Variants in PCCA observed in about 807,000 individuals in gnomAD.
The protein encoded by PCCA is propionyl-CoA carboxylase alpha chain, mitochondrial.
A neutral mutation model predicts 101.3 loss-of-function variants in PCCA; 74 were observed. The ratio of observed to expected loss-of-function variants is 0.73; its 90% CI spans 0.61 to 0.89. The LOEUF (loss-of-function observed/expected upper bound fraction) is 0.89. Ranked by LOEUF, PCCA falls within the 40% of genes least tolerant of loss-of-function variation. PCCA has a pLI of 0.00. For synonymous variants in PCCA, 294 were observed against 313.6 expected (o/e 0.94, Z 0.66); for missense variants, 891 against 907.0 (o/e 0.98, Z 0.23).
At chr13:100,194,983 A>G (rs1411754501) in intron 6 of PCCA, among the ~76,000 whole-genome samples, 1 of 152,212 alleles carries the variant, frequency 6.6e-6, no homozygotes, top group Admixed American at 6.5e-5. Flanking sequence ...TCCAAAGTTT[A>G]ACTGGAAAAA....
At chr13:100,124,287 A>G (rs2049727647) in intron 4 of PCCA, among the ~76,000 whole-genome samples, 1 of 152,202 alleles carries the variant, frequency 6.6e-6, no homozygotes, top group Non-Finnish European at 1.5e-5. Flanking sequence ...ACGTTCCTAA[A>G]TTGAACCTAT....
chr13:100,401,871 A>G (rs1422342647), intron 19 of PCCA, among the ~76,000 whole-genome samples: 1 of 152,218 alleles, frequency 6.6e-6, no homozygotes, highest in Admixed American at 6.5e-5. Flanking sequence ...ACTTGAATAG[A>G]TAATTTTTTT....
intron 12 of PCCA, among the ~76,000 whole-genome samples, chr13:100,288,972 G>A (rs1211542054): frequency 2.0e-5 from 3 of 152,144 alleles, no homozygotes; most frequent in East Asian, 3.8e-4. Flanking sequence ...GTTGTTTCAC[G>A]TATGCCTTCT....
In PCCA at chr13:100,317,801, T is replaced by G. The variant is rs970110604; in HGVS notation, c.1429+7893T>G. Among the ~76,000 whole-genome samples, 7 of 152,272 alleles carry G rather than the reference T, an allele frequency of 4.6e-5. No homozygotes were observed. The East Asian group carries it at 1.4e-3, about 29-fold the overall frequency. Reference sequence around the variant, plus strand: ...TGGGATTTTGCCATGTTGCCTAGACTGGTCTTGAACTCCTGACCTCAAGTG... The same window carrying G: ...TGGGATTTTGCCATGTTGCCTAGACGGGTCTTGAACTCCTGACCTCAAGTG... On this transcript the variant is annotated intron_variant, in intron 16 of 23. Transcript: ENST00000376285.
chr13:100,129,883 A>G lies in PCCA; in HGVS notation c.300+17822A>G, dbSNP rs9554669. Among the ~76,000 whole-genome samples, 189 of 152,298 alleles carry G rather than the reference A, an allele frequency of 1.2e-3. 2 individuals are homozygous for G. The East Asian group carries it at 0.031, about 25-fold the overall frequency. On this transcript the variant is annotated intron_variant, in intron 4 of 23. Transcript: ENST00000376285. ...TGGCACTTCCTGCTTCTGAGGAACC[A>G]GCCAGTGGTTAGCATTGTTATGCGT...
At chr13:100,157,169 G>A (rs2053971223) in intron 5 of PCCA, 118 bp from the exon 6 acceptor site, 2 of 676,760 alleles carry the variant, frequency 3.0e-6, no homozygotes, top group Admixed American at 2.4e-5. Context: ...TAAGAGAAGT[G>A]TACTTATTCA....
chr13:100,366,715 C>A (rs995763606), intron 18 of PCCA, among the ~76,000 whole-genome samples: 7 of 152,086 alleles, frequency 4.6e-5, no homozygotes, highest in African/African-American at 1.7e-4. Context: ...GGCTCTATCC[C>A]CTGAAACAGT....
At chr13:100,159,248 G>A (rs189932466) in intron 6 of PCCA, among the ~76,000 whole-genome samples, 12 of 151,384 alleles carry the variant, frequency 7.9e-5, no homozygotes, top group African/African-American at 2.9e-4. Context: ...ACACCACCAC[G>A]CCTGGCTAAT....
chr13:100,094,344 A>T (rs1486417285), intron 1 of PCCA, among the ~76,000 whole-genome samples: 1 of 152,124 alleles, frequency 6.6e-6, no homozygotes, highest in Admixed American at 6.5e-5. Context: ...ACTGCTTTTG[A>T]CAACACTCTT....
chr13:100,383,739 G>GGT (rs2076355081), intron 19 of PCCA, among the ~76,000 whole-genome samples: 1 of 152,148 alleles, frequency 6.6e-6, no homozygotes, highest in Non-Finnish European at 1.5e-5. Context: ...AGATGCTTGA[G>GGT]GTGGAAGGAG....
intron 16 of PCCA, among the ~76,000 whole-genome samples, chr13:100,321,105 C>G (rs1314941483): frequency 1.3e-5 from 2 of 152,122 alleles, no homozygotes; most frequent in Admixed American, 6.5e-5. Flanking sequence ...GTTTTCCTTC[C>G]CAGCCAGGAA....
intron 20 of PCCA, among the ~76,000 whole-genome samples, chr13:100,426,026 C>A (rs1484050607): frequency 6.7e-6 from 1 of 150,040 alleles, no homozygotes; most frequent in Non-Finnish European, 1.5e-5. Context: ...TTTTTTTTTC[C>A]TCTGTGGGTT....
At chr13:100,364,105 G>C (rs561637234) in intron 18 of PCCA, among the ~76,000 whole-genome samples, 1 of 152,238 alleles carries the variant, frequency 6.6e-6, no homozygotes, top group African/African-American at 2.4e-5. Flanking sequence ...TTGTTTGTTT[G>C]TTGAAGAAAT....
intron 12 of PCCA, among the ~76,000 whole-genome samples, chr13:100,276,349 C>A (rs2152606893): frequency 6.6e-6 from 1 of 151,380 alleles, no homozygotes; most frequent in African/African-American, 2.4e-5. Context: ...CTTATTTGGA[C>A]ATAATTGATT....
intron 2 of PCCA, among the ~76,000 whole-genome samples, chr13:100,108,510 C>T (rs1011351327): frequency 6.6e-6 from 1 of 152,136 alleles, no homozygotes; most frequent in Non-Finnish European, 1.5e-5. Flanking sequence ...GCATACCATG[C>T]GCTTCAGTCA....
At chr13:100,352,556 G>T (rs2073403140) in intron 18 of PCCA, among the ~76,000 whole-genome samples, 1 of 151,474 alleles carries the variant, frequency 6.6e-6, no homozygotes, top group South Asian at 2.1e-4. Flanking sequence ...CTAACATTTG[G>T]CTATATATAT....
chr13:100,183,133 C>T (rs1352717107), intron 6 of PCCA, among the ~76,000 whole-genome samples: 1 of 151,848 alleles, frequency 6.6e-6, no homozygotes, highest in Non-Finnish European at 1.5e-5. Context: ...TGTGTGTGTG[C>T]GTGTGGGTGC....
chr13:100,194,463 G>C lies in PCCA; in HGVS notation c.469-14869G>C, dbSNP rs577102336. Among the ~76,000 whole-genome samples, 5 of 152,242 alleles carry C rather than the reference G, an allele frequency of 3.3e-5. No homozygotes were observed. The South Asian group carries it at 1.0e-3, about 32-fold the overall frequency. On this transcript the variant is annotated intron_variant, in intron 6 of 23. Transcript: ENST00000376285. ...GACGGAGTCTCCCTCTGTCGCCCAG[G>C]CTGGAGTGCAGTGGTGCAACTTCAG...
At chr13:100,276,425 G>A (rs1161953596) in intron 12 of PCCA, among the ~76,000 whole-genome samples, 2 of 151,792 alleles carry the variant, frequency 1.3e-5, no homozygotes, top group African/African-American at 2.4e-5. Context: ...TTGCTGATTC[G>A]TGTACATGTA....
Sources: allele counts gnomAD v4.1 joint callset (sites outside exome capture counted in the v4.1 genomes callset), GRCh38; gene constraint gnomAD v4.1.1; transcripts MANE v1.5; gene names NCBI Gene and HGNC (gene_info 2026-07-23, HGNC 2026-07-21).